Variants in C3 observed in about 807,000 individuals in gnomAD.
C3 encodes complement C3.
C3 carries 97 observed loss-of-function variants against 207.9 expected under a neutral mutation model. The observed-to-expected ratio is 0.47, with a 90% CI of 0.40 to 0.55. The LOEUF (loss-of-function observed/expected upper bound fraction) is 0.55. Ranked by LOEUF, C3 falls within the 20% of genes least tolerant of loss-of-function variation. C3 has a pLI of 0.00. For synonymous variants in C3, 848 were observed against 857.6 expected (o/e 0.99, Z 0.20); for missense variants, 1,684 against 2,171.7 (o/e 0.78, Z 4.46).
At chr19:6,718,528 G>T in intron 2 of C3, 116 bp from the exon 3 acceptor site, 1 of 1,275,022 alleles carries the variant, frequency 7.8e-7, no homozygotes, top group South Asian at 1.2e-5. Context: ...GGTCTTCCGA[G>T]GTGGCCGTTT....
Position 6,719,284 on chromosome 19 carries a change from T to C in C3, c.194A>G (p.Lys65Arg). The C allele has an allele frequency of 6.2e-7, 1 of 1,614,018 alleles. No homozygotes were observed. Among genetic ancestry groups the C allele is most frequent in the Non-Finnish European group, 8.5e-7 (1 of 1,179,972 alleles). The change falls in exon 2 of 41, where the codon AAA (lysine) becomes AGA (arginine). Residue 65 changes from lysine to arginine, a missense_variant. Coordinates refer to ENST00000245907, the MANE Select transcript of C3 (RefSeq NM_000064.4). This position sits in a 1 kb window ranked among gnomAD's most constrained non-coding sequence, Gnocchi z 5.4. ...VTVTVHDFPG[K>R]KLVLSSEKTV... ...CTTCTCACTGGACAGCACTAGTTTT[T>C]TGCCTGGGAAGTCGTGGACAGTAAC...
Position 6,707,205 on chromosome 19 carries a change from A to C in C3, c.2116T>G (p.Ser706Ala). 6.2e-7 allele frequency: 1 copy of C among 1,613,708 alleles called. No individual in the cohort carries two copies. Reference sequence around the variant, plus strand: ...ATGAAACGGGTCCGGCGCTGGCACGAGAACCTCATGGGGTTCTCCCGCATG... The same window carrying C: ...ATGAAACGGGTCCGGCGCTGGCACGCGAACCTCATGGGGTTCTCCCGCATG... ...DGMRENPMRF[S>A]CQRRTRFISL... The change falls in exon 17 of 41, where the codon TCG (serine) becomes GCG (alanine). Residue 706 changes from serine to alanine, a missense_variant. By Grantham distance (99) the Ser-to-Ala change is moderately conservative. Coordinates refer to ENST00000245907, the MANE Select transcript of C3 (RefSeq NM_000064.4).
At chr19:6,717,060 T>C (rs184066999) in intron 4 of C3, 258 of 146,554 alleles carry the variant, frequency 1.8e-3, no homozygotes, top group African/African-American at 6.2e-3. Flanking sequence ...TCCAGAAGAG[T>C]GAACGAGGGG....
chr19:6,712,026 A>G (rs1967931992), intron 11 of C3, among the ~76,000 whole-genome samples: 1 of 151,964 alleles, frequency 6.6e-6, no homozygotes, highest in African/African-American at 2.4e-5. Flanking sequence ...GAACCCCTCT[A>G]GGCAAATGAG....
At chr19:6,710,216 GGGAGAGAGAA>G (rs1204897267) in intron 13 of C3, among the ~76,000 whole-genome samples, 5 of 111,028 alleles carry the variant, frequency 4.5e-5, no homozygotes, top group Non-Finnish European at 9.5e-5. Context: ...GAGAGAAAGA[GGGAGAGAGAA>G]GGAGAGAGAG....
chr19:6,699,871 T>C (rs970303561), intron 19 of C3, among the ~76,000 whole-genome samples: 3 of 151,390 alleles, frequency 2.0e-5, no homozygotes, highest in Non-Finnish European at 4.4e-5. Context: ...CTATTTTGGG[T>C]ATATTTAAAT....
chr19:6,697,682 G>C lies in C3; in HGVS notation c.2553C>G (p.Leu851=). ...GCTCTTGGTTCTGCCGGTAATTGTA[G>C]AGAACGGCTCGGATTTCCACCTGCT... The part of the protein sequence containing the change: ...RNEQVEIRAV[L]YNYRQNQELK... The change falls in exon 20 of 41, where the codon CTC becomes CTG. Residue 851 remains leucine, a synonymous_variant. Coordinates refer to ENST00000245907, the MANE Select transcript of C3 (RefSeq NM_000064.4). 1 of 1,614,138 alleles carries C rather than the reference G, an allele frequency of 6.2e-7. No individual in the cohort carries two copies. The highest frequency in any genetic ancestry group is 8.5e-7 in the Non-Finnish European group (1 of 1,180,034).
chr19:6,684,381 T>G lies in C3; in HGVS notation c.4172+7A>C. 6.2e-7 allele frequency: 1 copy of G among 1,613,086 alleles called. No homozygotes were observed. Among genetic ancestry groups the G allele is most frequent in the Non-Finnish European group, 8.5e-7 (1 of 1,178,988 alleles). ...CCAAGATGAACCCCGGTGACCTAGC[T>G]TCTTACCTGGTACAGATCTCAAGGA... On this transcript the variant is annotated splice_region_variant and intron_variant, in intron 33 of 40. Coordinates refer to ENST00000245907, the MANE Select transcript of C3 (RefSeq NM_000064.4).
At position 6,678,337 on chromosome 19, in the gene C3, G is replaced by A. The variant is rs563447220; in HGVS notation, c.4714+35C>T. On this transcript the variant is annotated intron_variant, in intron 39 of 40. Coordinates refer to ENST00000245907, the MANE Select transcript of C3 (RefSeq NM_000064.4). ...AGCTGAGTCGTGGGGAGGAAGCCAG[G>A]GAAGAGCCACGGGAGGCAGCGTGCT... The A allele has an allele frequency of 8.1e-5, 131 of 1,614,152 alleles. 1 individual carries two copies. The South Asian group carries it at 1.4e-3, about 17-fold the overall frequency.
In C3 at chr19:6,677,882, T is replaced by C; in HGVS notation, c.4992A>G (p.Ter1664TrpextTer58). The change falls in exon 41 of 41, where the codon TGA becomes TGG. Residue 1664 changes from the stop codon to tryptophan (W), a stop_lost. Transcript: ENST00000245907. Reference protein sequence around the residue: ...ESMVVFGCPN* With the variant: ...ESMVVFGCPNW ...CTGGAGTGGGGGAATGGGGGTGTGGTCAGTTGGGGCACCCAAAGACAACCA... is the reference window on the plus strand; with the variant it reads ...CTGGAGTGGGGGAATGGGGGTGTGGCCAGTTGGGGCACCCAAAGACAACCA... 1 of 1,613,434 alleles carries C rather than the reference T, an allele frequency of 6.2e-7. No individual in the cohort carries two copies. Among genetic ancestry groups the C allele is most frequent in the South Asian group, 1.1e-5 (1 of 91,066 alleles).
chr19:6,709,664 C>T lies in C3; in HGVS notation c.1845+20G>A, dbSNP rs1251518379. 1 of 1,610,596 alleles carries T rather than the reference C, an allele frequency of 6.2e-7. No homozygotes were observed. The highest frequency in any genetic ancestry group is 1.3e-5 in the African/African-American group (1 of 74,782). ...CGTGCCTCCGCCTCTTCTCAGCAGC[C>T]TTGGGTCACTGGCCCTTACCTTACT... On this transcript the variant is annotated intron_variant, in intron 14 of 40. Coordinates refer to ENST00000245907, the MANE Select transcript of C3 (RefSeq NM_000064.4).
chr19:6,692,581 A>T (rs1918194714), intron 26 of C3, among the ~76,000 whole-genome samples: 1 of 152,126 alleles, frequency 6.6e-6, no homozygotes, highest in South Asian at 2.1e-4. Flanking sequence ...GGAGAGAAGG[A>T]GGTGATTCTT....
intron 11 of C3, 35 bp downstream of exon 11, chr19:6,712,222 C>T: frequency 6.2e-7 from 1 of 1,612,410 alleles, no homozygotes; most frequent in Non-Finnish European, 8.5e-7. Flanking sequence ...ACCGTCTTCC[C>T]AGTGATGGGG....
intron 33 of C3, 119 bp from the exon 34 acceptor site, chr19:6,682,348 G>A (rs757753286): frequency 5.3e-6 from 4 of 758,314 alleles, no homozygotes; most frequent in Admixed American, 1.9e-5. Context: ...TAGCAGCACA[G>A]AGGGGCGTTA....
chr19:6,720,500 A>G lies in C3; in HGVS notation c.74+16T>C. The G allele has an allele frequency of 6.4e-7, 1 of 1,571,402 alleles. No individual in the cohort carries two copies. The highest frequency in any genetic ancestry group is 8.7e-7 in the Non-Finnish European group (1 of 1,154,484). ...CAGAACCAGCCCTGTTTGTGGGTAG[A>G]GTCATAACCACTCACATGGGACTCC... On this transcript the variant is annotated intron_variant, in intron 1 of 40. Coordinates refer to ENST00000245907, the MANE Select transcript of C3 (RefSeq NM_000064.4).
chr19:6,702,559 T>C lies in C3; in HGVS notation c.2266A>G (p.Ile756Val). The C allele has an allele frequency of 6.2e-7, 1 of 1,613,532 alleles. No homozygotes were observed. The highest frequency in any genetic ancestry group is 8.5e-7 in the Non-Finnish European group (1 of 1,179,402). ...CGGGAAACGATGTTCTCTTCTGCAA[T>C]GATGTCCTCATCCAGGTTACCTGCA... is the stretch of plus-strand genomic sequence containing the variant. ...LARSNLDEDI[I>V]AEENIVSRSE... The change falls in exon 18 of 41, where the codon ATT (isoleucine) becomes GTT (valine). Residue 756 changes from isoleucine to valine, a missense_variant. Around this residue, in one of 3 missense-constraint regions of C3, gnomAD observed 1,280 missense variants for 1,739.1 expected, o/e 0.74. Transcript: ENST00000245907.
chr19:6,707,915 C>T lies in C3; in HGVS notation c.1860G>A (p.Val620=). The change falls in exon 15 of 41, where the codon GTG becomes GTA. Residue 620 remains valine (V), a synonymous_variant. Coordinates refer to ENST00000245907, the MANE Select transcript of C3 (RefSeq NM_000064.4). ...GGGTGCAGCCGATGTCTGCCTTCTC[C>T]ACCACGTCCCAGATCTGCGGGGGGC... ...KLTQSKIWDV[V]EKADIGCTPG... The T allele has an allele frequency of 6.2e-7, 1 of 1,613,904 alleles. No individual in the cohort carries two copies.
Position 6,679,212 on chromosome 19 carries a change from C to T in C3, c.4547-4G>A, listed in dbSNP as rs1917794652. ...GACTTTTGTATGAAGCAATTCTCTG[C>T]AGGGTGGGGTGGAGACAGGGTCTAA... On this transcript the variant is annotated splice_polypyrimidine_tract_variant and splice_region_variant and intron_variant, in intron 37 of 40. Coordinates refer to ENST00000245907, the MANE Select transcript of C3 (RefSeq NM_000064.4). 1 of 1,613,636 alleles carries T rather than the reference C, an allele frequency of 6.2e-7. No homozygotes were observed. Among genetic ancestry groups the T allele is most frequent in the Non-Finnish European group, 8.5e-7 (1 of 1,179,488 alleles).
intron 24 of C3, among the ~76,000 whole-genome samples, 170 bp from the exon 25 acceptor site, chr19:6,693,657 A>G (rs1030090765): frequency 6.6e-6 from 1 of 151,314 alleles, no homozygotes; most frequent in Non-Finnish European, 1.5e-5. Flanking sequence ...GGGGGATCAG[A>G]ACGAGGAGGT....
Sources: gnomAD v4.1 joint callset for allele counts (sites outside exome capture counted in the v4.1 genomes callset) on GRCh38, gnomAD v4.1.1 for gene constraint, gnomAD v4.1.1 regional missense constraint, Gnocchi (gnomAD v3.1) non-coding constraint, MANE v1.5 for transcripts, NCBI Gene and HGNC (gene_info 2026-07-23, HGNC 2026-07-21) for gene names.